C12orf42: variants seen among roughly 807,000 people sequenced by gnomAD.
The protein encoded by C12orf42 is chromosome 12 open reading frame 42, also known as uncharacterized protein C12orf42.
A neutral mutation model predicts 21.6 loss-of-function variants in C12orf42; 25 were observed. The ratio of observed to expected loss-of-function variants is 1.16; its 90% CI spans 0.84 to 1.62. The LOEUF is 1.62. Among genes scored for constraint, C12orf42 ranks in the 40% most tolerant of loss-of-function variants. C12orf42 has a pLI of 0.00. For missense variants in C12orf42, 483 were observed against 459.3 expected, an observed-to-expected ratio of 1.05 and a Z score of -0.47; for synonymous variants, 174 against 175.0, an observed-to-expected ratio of 0.99 and a Z score of 0.05.
At chr12:103,261,594 G>A (rs2034905196) in intron 10 of C12orf42, among the ~76,000 whole-genome samples, 1 of 151,636 alleles carries the variant, frequency 6.6e-6, no homozygotes, top group African/African-American at 2.4e-5. Flanking sequence ...ATTTCCCAGA[G>A]AAGACACTCT....
intron 1 of C12orf42, among the ~76,000 whole-genome samples, chr12:103,479,426 C>A (rs1261778628): frequency 1.3e-5 from 2 of 151,952 alleles, no homozygotes; most frequent in African/African-American, 4.8e-5. Context: ...GTGATATCAA[C>A]AGGTCAGTAA....
the C12orf42 span, among the ~76,000 whole-genome samples, chr12:103,185,086 A>G: frequency 6.6e-6 from 1 of 152,318 alleles, no homozygotes; most frequent in African/African-American, 2.4e-5. Context: ...CCCTAAAAAA[A>G]CTAATACAGT....
At chr12:103,435,015 A>T (rs1592793308) in intron 2 of C12orf42, among the ~76,000 whole-genome samples, 2 of 152,268 alleles carry the variant, frequency 1.3e-5, no homozygotes, top group South Asian at 2.1e-4. Context: ...GACAGCTTTG[A>T]AGAGAGCAGT....
chr12:103,405,866 C>A (rs1322092135), intron 2 of C12orf42, among the ~76,000 whole-genome samples: 3 of 152,022 alleles, frequency 2.0e-5, no homozygotes, highest in Non-Finnish European at 4.4e-5. Context: ...CATTTTCTAT[C>A]CAAGCAGAGG....
chr12:103,371,337 C>T (rs1392356268), intron 3 of C12orf42, among the ~76,000 whole-genome samples: 3 of 152,036 alleles, frequency 2.0e-5, no homozygotes, highest in South Asian at 2.1e-4. Flanking sequence ...GAGGCAGAGA[C>T]GGAAGCTTAA....
rs146801294 is a variant in C12orf42, at chr12:103,333,184, T to C, written c.260-26839A>G. On this transcript the variant is annotated intron_variant, in intron 4 of 5. Coordinates refer to ENST00000548883, the MANE Select transcript of C12orf42 (RefSeq NM_198521.5). ...TTCAGAAAGAGGCAGTATAATAGAG[T>C]GATTGAGATGATGAACTTTGAAATC... Among the ~76,000 whole-genome samples the C allele has an allele frequency of 4.1e-4, 63 of 152,248 alleles. No homozygotes were observed. The East Asian group carries it at 0.012, about 28-fold the overall frequency.
the C12orf42 span, among the ~76,000 whole-genome samples, chr12:103,542,694 C>A: frequency 6.6e-6 from 1 of 152,232 alleles, no homozygotes; most frequent in Non-Finnish European, 1.5e-5. Context: ...TGGAGAATTA[C>A]ATCCCCTTCA....
At chr12:103,301,162 G>A (rs1210802576), downstream of C12orf42, among the ~76,000 whole-genome samples, 2 of 152,026 alleles carry the variant, frequency 1.3e-5, no homozygotes, top group Admixed American at 6.6e-5. Context: ...ATCATACTGT[G>A]TATATTAATT....
At chr12:103,125,615 A>G in the C12orf42 span, among the ~76,000 whole-genome samples, 1 of 152,188 alleles carries the variant, frequency 6.6e-6, no homozygotes, top group African/African-American at 2.4e-5. Context: ...TTCTTCTTTT[A>G]CTTATTTCTA....
the C12orf42 span, among the ~76,000 whole-genome samples, chr12:103,189,971 G>A: frequency 6.6e-6 from 1 of 150,786 alleles, no homozygotes; most frequent in Non-Finnish European, 1.5e-5. Flanking sequence ...ATATACATGT[G>A]TATATATATA....
At chr12:103,398,468 G>C (rs1476164751) in intron 3 of C12orf42, among the ~76,000 whole-genome samples, 1 of 151,868 alleles carries the variant, frequency 6.6e-6, no homozygotes, top group Non-Finnish European at 1.5e-5. Flanking sequence ...CTTGTAACTT[G>C]TCCTTTATTT....
At chr12:103,063,184 A>G in the C12orf42 span, among the ~76,000 whole-genome samples, 6 of 152,202 alleles carry the variant, frequency 3.9e-5, no homozygotes, top group Non-Finnish European at 8.8e-5. Context: ...AAAGAAAATG[A>G]TGAATTCAGA....
At chr12:103,205,028 A>T in the C12orf42 span, among the ~76,000 whole-genome samples, 1 of 152,220 alleles carries the variant, frequency 6.6e-6, no homozygotes, top group African/African-American at 2.4e-5. Flanking sequence ...ACTAGTCACC[A>T]GGGAAGTGGA....
the C12orf42 span, among the ~76,000 whole-genome samples, chr12:103,050,931 T>C: frequency 6.6e-6 from 1 of 152,224 alleles, no homozygotes; most frequent in Non-Finnish European, 1.5e-5. Context: ...ATTACCTTCC[T>C]CCTTACGCAG....
intron 1 of C12orf42, among the ~76,000 whole-genome samples, chr12:103,483,889 C>T (rs894079102): frequency 5.3e-5 from 8 of 152,120 alleles, no homozygotes; most frequent in Admixed American, 2.6e-4. Context: ...TCAGTTCCCA[C>T]CTATGAGTGA....
chr12:103,099,183 T>C, the C12orf42 span, among the ~76,000 whole-genome samples: 1 of 152,202 alleles, frequency 6.6e-6, no homozygotes, highest in Admixed American at 6.5e-5. Context: ...GACCTGGATA[T>C]TAAATGCTCC....
At chr12:103,101,412 G>A in the C12orf42 span, among the ~76,000 whole-genome samples, 3 of 152,160 alleles carry the variant, frequency 2.0e-5, no homozygotes, top group Non-Finnish European at 4.4e-5. Flanking sequence ...TCTCATGATA[G>A]TTTTTCCTTA....
chr12:103,073,817 TA>T, the C12orf42 span, among the ~76,000 whole-genome samples: 2 of 152,210 alleles, frequency 1.3e-5, no homozygotes, highest in African/African-American at 4.8e-5. Flanking sequence ...AAATGTGGGA[TA>T]AGGACATCAG....
the C12orf42 span, among the ~76,000 whole-genome samples, chr12:103,537,276 T>A: frequency 4.6e-5 from 7 of 152,068 alleles, no homozygotes; most frequent in Non-Finnish European, 7.4e-5. Flanking sequence ...GGTGAGTGGT[T>A]CCATTGTCTG....
Sources: allele counts gnomAD v4.1 joint callset (sites outside exome capture counted in the v4.1 genomes callset), GRCh38; gene constraint gnomAD v4.1.1; transcripts MANE v1.5; gene names NCBI Gene and HGNC (gene_info 2026-07-23, HGNC 2026-07-21).